EPHB1: variants seen among roughly 807,000 people sequenced by gnomAD.
EPHB1 encodes the protein EPH receptor B1, also known as ephrin type-B receptor 1.
EPHB1 carries 30 observed loss-of-function variants against 94.4 expected under a neutral mutation model. That is an observed-to-expected ratio of 0.32 (90% CI 0.24 to 0.43). EPHB1 has a LOEUF of 0.43. Among genes scored for constraint, EPHB1 ranks in the 20% least tolerant of loss-of-function variants. EPHB1 has a pLI of 1.00. For synonymous variants in EPHB1, 522 were observed against 489.1 expected, an observed-to-expected ratio of 1.07 and a Z score of -0.89; for missense variants, 1,055 against 1,308.3, an observed-to-expected ratio of 0.81 and a Z score of 2.99.
At position 134,863,267 on chromosome 3, in the gene EPHB1, A is replaced by G. The variant is rs367941044; in HGVS notation, c.59-62549A>G. 3.7e-3 allele frequency among the ~76,000 whole-genome samples: 563 copies of G among 152,308 alleles called. 4 individuals are homozygous for G. Among genetic ancestry groups the G allele is most frequent in the Middle Eastern group, 0.017 (5 of 294 alleles). ...AGGTGCATCTTCCCATTGTTCTTGT[A>G]TATCTGCCGGCCTGGACTGGCCTGT... is the stretch of plus-strand genomic sequence containing the variant. On this transcript the variant is annotated intron_variant, in intron 1 of 15. Transcript: ENST00000398015.
intron 3 of EPHB1, among the ~76,000 whole-genome samples, chr3:134,986,998 G>A (rs1244146151): frequency 2.0e-5 from 3 of 152,072 alleles, no homozygotes; most frequent in Non-Finnish European, 1.5e-5. Flanking sequence ...GGACTAACCT[G>A]AATTTATTAA....
Position 135,239,091 on chromosome 3 carries a change from AT to A in EPHB1, c.2347-2054del, listed in dbSNP as rs1440037483. Among the ~76,000 whole-genome samples, 19 of 152,300 alleles carry A rather than the reference AT, an allele frequency of 1.2e-4. 1 individual carries two copies. In the East Asian group the frequency reaches 1.5e-3, roughly 12 times the overall value. ...CACAGCCTAAGCATGCCCTCCAGGC[AT>A]TTGTCGTGTAGCTGGCATTTGAGCT... On this transcript the variant is annotated intron_variant, in intron 12 of 15. Transcript: ENST00000398015.
intron 1 of EPHB1, among the ~76,000 whole-genome samples, chr3:134,919,752 C>T (rs2038643123): frequency 6.6e-6 from 1 of 152,076 alleles, no homozygotes; most frequent in Non-Finnish European, 1.5e-5. Flanking sequence ...CCACGCACAC[C>T]CTTGGCACCT....
At chr3:135,209,257 A>G (rs539228451) in intron 12 of EPHB1, among the ~76,000 whole-genome samples, 2 of 152,326 alleles carry the variant, frequency 1.3e-5, no homozygotes, top group South Asian at 4.1e-4. Context: ...TGGATGCTTA[A>G]ACTTAAGGTG....
At chr3:135,100,327 A>G (rs1938990363) in intron 3 of EPHB1, among the ~76,000 whole-genome samples, 1 of 152,202 alleles carries the variant, frequency 6.6e-6, no homozygotes, top group Non-Finnish European at 1.5e-5. Context: ...TCTGAAAATT[A>G]TAAAATAATA....
intron 11 of EPHB1, among the ~76,000 whole-genome samples, chr3:135,198,646 G>T (rs1044259071): frequency 2.0e-5 from 3 of 152,112 alleles, no homozygotes; most frequent in African/African-American, 4.8e-5. Context: ...GGTGTCCTCA[G>T]TCTCTCTCAC....
chr3:135,011,305 A>G (rs952373801), intron 3 of EPHB1, among the ~76,000 whole-genome samples: 1 of 152,212 alleles, frequency 6.6e-6, no homozygotes, highest in Non-Finnish European at 1.5e-5. Flanking sequence ...CTGGATGTCA[A>G]GAAGATTCCT....
chr3:135,011,077 A>C (rs1001009528), intron 3 of EPHB1, among the ~76,000 whole-genome samples: 1 of 152,190 alleles, frequency 6.6e-6, no homozygotes, highest in Non-Finnish European at 1.5e-5. Flanking sequence ...AGAATGCTTG[A>C]ATCTTCTTGC....
intron 1 of EPHB1, among the ~76,000 whole-genome samples, chr3:134,896,650 G>A (rs1283755599): frequency 2.6e-5 from 4 of 152,210 alleles, no homozygotes; most frequent in Non-Finnish European, 4.4e-5. Context: ...TCTCAATGGC[G>A]CTAACCTTCT....
intron 3 of EPHB1, among the ~76,000 whole-genome samples, chr3:135,046,375 GT>G (rs1457236477): frequency 6.6e-6 from 1 of 152,032 alleles, no homozygotes; most frequent in Non-Finnish European, 1.5e-5. Flanking sequence ...TCTTCTTTTT[GT>G]TTGTATCCAT....
At chr3:134,916,632 C>T (rs1046310586) in intron 1 of EPHB1, among the ~76,000 whole-genome samples, 3 of 152,204 alleles carry the variant, frequency 2.0e-5, no homozygotes, top group Admixed American at 6.5e-5. Context: ...CCGGGGCTGG[C>T]GCGGCCAGCC....
intron 3 of EPHB1, among the ~76,000 whole-genome samples, chr3:135,062,626 C>G (rs1937529949): frequency 6.6e-6 from 1 of 152,100 alleles, no homozygotes; most frequent in South Asian, 2.1e-4. Flanking sequence ...CTTTTTCCCA[C>G]TCTGTGGGCT....
At chr3:134,832,822 T>C (rs1315386440) in intron 1 of EPHB1, among the ~76,000 whole-genome samples, 2 of 152,214 alleles carry the variant, frequency 1.3e-5, no homozygotes, top group Non-Finnish European at 2.9e-5. Flanking sequence ...AACTTTCTGC[T>C]GTCATAATCA....
chr3:134,925,566 G>A (rs1218109071), intron 1 of EPHB1, among the ~76,000 whole-genome samples: 1 of 152,182 alleles, frequency 6.6e-6, no homozygotes, highest in Admixed American at 6.5e-5. Context: ...TCACCGGGGA[G>A]AGAGCACTGG....
intron 1 of EPHB1, among the ~76,000 whole-genome samples, chr3:134,816,472 A>G (rs1439777597): frequency 9.9e-5 from 15 of 152,042 alleles, no homozygotes; most frequent in Non-Finnish European, 2.1e-4. Context: ...TGAACAAACT[A>G]CATAACCTCC....
intron 1 of EPHB1, among the ~76,000 whole-genome samples, chr3:134,800,841 A>G (rs1268083889): frequency 6.6e-6 from 1 of 152,240 alleles, no homozygotes; most frequent in Non-Finnish European, 1.5e-5. Flanking sequence ...TATTATTATA[A>G]TCAACTCCTC....
chr3:135,216,055 A>G (rs1943141901), intron 12 of EPHB1, among the ~76,000 whole-genome samples: 1 of 152,234 alleles, frequency 6.6e-6, no homozygotes, highest in Non-Finnish European at 1.5e-5. Context: ...CTCCAAGCCC[A>G]GGGAAGCATG....
chr3:134,956,498 G>T (rs911981497), intron 3 of EPHB1, among the ~76,000 whole-genome samples: 2 of 152,114 alleles, frequency 1.3e-5, no homozygotes, highest in Non-Finnish European at 2.9e-5. Context: ...ATTACAGAGG[G>T]CACGTGCCAA....
intron 15 of EPHB1, 46 bp downstream of exon 15, chr3:135,249,537 T>G: frequency 6.3e-7 from 1 of 1,580,996 alleles, no homozygotes; most frequent in Non-Finnish European, 8.6e-7. Context: ...TAGGGGTCAG[T>G]GCTCCTTCCC....
Sources: gnomAD v4.1 joint callset for allele counts (sites outside exome capture counted in the v4.1 genomes callset) on GRCh38, gnomAD v4.1.1 for gene constraint, MANE v1.5 for transcripts, NCBI Gene and HGNC (gene_info 2026-07-23, HGNC 2026-07-21) for gene names.